The following PRR12 variants were observed in gnomAD, a reference collection of about 807,000 sequenced individuals.
PRR12 encodes the protein proline-rich protein 12.
A neutral mutation model predicts 138.0 loss-of-function variants in PRR12; 12 were observed. The ratio of observed to expected loss-of-function variants is 0.09; its 90% CI spans 0.06 to 0.14. The LOEUF (loss-of-function observed/expected upper bound fraction) is 0.14, where lower values mean the gene tolerates loss of function less well. PRR12 is among the 10% of genes least tolerant of loss of function. The probability of loss-of-function intolerance (pLI) is 1.00; values close to 1 mark genes in which losing one functional copy is unlikely to be tolerated. For synonymous variants in PRR12, 1,567 were observed against 1,291.7 expected (o/e 1.21, Z -4.57); for missense variants, 2,692 against 2,861.3 (o/e 0.94, Z 1.35).
intron 1 of PRR12, among the ~76,000 whole-genome samples, chr19:49,592,839 C>T (rs1246787643): frequency 6.6e-6 from 1 of 152,162 alleles, no homozygotes; most frequent in East Asian, 1.9e-4. Flanking sequence ...ACCGATCTTC[C>T]TCCTGCTCCC....
intron 11 of PRR12, among the ~76,000 whole-genome samples, chr19:49,623,420 C>G (rs1041503803): frequency 6.6e-6 from 1 of 151,602 alleles, no homozygotes; most frequent in Non-Finnish European, 1.5e-5. Flanking sequence ...GGTCAGGAGA[C>G]CAATAACAAC....
chr19:49,624,723 C>T (rs957573565), intron 11 of PRR12, 121 bp from the exon 12 acceptor site: 2 of 1,413,200 alleles, frequency 1.4e-6, no homozygotes, highest in Middle Eastern at 2.6e-4. Flanking sequence ...TGAGGAGACT[C>T]TAGTTGTCTC....
chr19:49,593,568 C>G (rs1568420672), intron 2 of PRR12, 129 bp downstream of exon 2: 4 of 587,728 alleles, frequency 6.8e-6, no homozygotes, highest in East Asian at 6.1e-5. Flanking sequence ...CTTGCTGTGT[C>G]TCCTCTGATT....
At position 49,595,161 on chromosome 19, in the gene PRR12, C is replaced by T; in HGVS notation, c.826C>T (p.Pro276Ser). Residue 276 changes from proline to serine, a missense_variant, in exon 4 of 14, where the codon CCG becomes TCG. This residue lies in a region of PRR12 where 523 missense variants were observed against 496.4 expected (regional missense o/e 1.05). Transcript: ENST00000418929. ...CTTCTCGGGTGCTGCCCCGGGCCCA[C>T]CGCCGCCTGAGCGGGCCCTGCCACG... The part of the protein sequence containing the change: ...YNFSGAAPGP[P>S]PPERALPRQD... 6.2e-7 allele frequency: 1 copy of T among 1,610,716 alleles called. No homozygotes were observed. Among genetic ancestry groups the T allele is most frequent in the Non-Finnish European group, 8.5e-7 (1 of 1,179,366 alleles).
At chr19:49,593,840 C>T (rs569318971) in intron 2 of PRR12, among the ~76,000 whole-genome samples, 136 of 152,276 alleles carry the variant, frequency 8.9e-4, no homozygotes, top group Admixed American at 8.3e-3. Flanking sequence ...TCTGGCCCGC[C>T]CTGTTTTATC....
At chr19:49,607,294 A>G (rs1204004742) in intron 6 of PRR12, among the ~76,000 whole-genome samples, 1 of 152,138 alleles carries the variant, frequency 6.6e-6, no homozygotes, top group Admixed American at 6.6e-5. Flanking sequence ...TCGAGGCTAC[A>G]GTGAGCTATG....
intron 4 of PRR12, among the ~76,000 whole-genome samples, chr19:49,598,280 TAGTC>T (rs954082746): frequency 6.6e-6 from 1 of 151,776 alleles, no homozygotes; most frequent in African/African-American, 2.4e-5. Flanking sequence ...TTCACCGTAT[TAGTC>T]AGGATGGTCT....
intron 6 of PRR12, among the ~76,000 whole-genome samples, chr19:49,602,610 G>T (rs894138908): frequency 6.6e-6 from 1 of 152,148 alleles, no homozygotes; most frequent in African/African-American, 2.4e-5. Flanking sequence ...GGAGTGCGAT[G>T]GCTCAATCTC....
intron 9 of PRR12, among the ~76,000 whole-genome samples, chr19:49,617,217 G>A (rs2080897728): frequency 6.6e-6 from 1 of 151,946 alleles, no homozygotes; most frequent in Non-Finnish European, 1.5e-5. Flanking sequence ...AAGGGTAACA[G>A]CTGATTTTTG....
At chr19:49,593,248 A>G in intron 1 of PRR12, 79 bp from the exon 2 acceptor site, 1 of 490,212 alleles carries the variant, frequency 2.0e-6, no homozygotes, top group Non-Finnish European at 3.5e-6. Context: ...GGTCCCCCCA[A>G]CTCCCCGGGG....
chr19:49,600,497 C>T (rs1212643567), intron 5 of PRR12, among the ~76,000 whole-genome samples: 2 of 148,386 alleles, frequency 1.3e-5, no homozygotes, highest in African/African-American at 2.5e-5. Context: ...AAAAAAAAAC[C>T]ATGACAGGCC....
intron 1 of PRR12, among the ~76,000 whole-genome samples, chr19:49,592,853 T>C (rs2080738163): frequency 6.6e-6 from 1 of 152,126 alleles, no homozygotes; most frequent in South Asian, 2.1e-4. Context: ...TGCTCCCAAC[T>C]TGTTCTGCAC....
chr19:49,596,422 A>G lies in PRR12; in HGVS notation c.2087A>G (p.Gln696Arg). 2 of 1,609,656 alleles carry G rather than the reference A, an allele frequency of 1.2e-6. No individual in the cohort carries two copies. Among genetic ancestry groups the G allele is most frequent in the Non-Finnish European group, 1.7e-6 (2 of 1,179,408 alleles). The change falls in exon 4 of 14, where the codon CAG (glutamine) becomes CGG (arginine). Residue 696 changes from glutamine (Q) to arginine (R), a missense_variant. Coordinates refer to ENST00000418929, the MANE Select transcript of PRR12 (RefSeq NM_020719.3). The surrounding 1 kb of genome is among the most constrained non-coding windows in gnomAD (Gnocchi z 5.6). ...TACGAGTTGGCCAAGGAAGACCCCCAGAGGTACCACCTGCAGAGTGTCATC... is the reference window on the plus strand; with the variant it reads ...TACGAGTTGGCCAAGGAAGACCCCCGGAGGTACCACCTGCAGAGTGTCATC... ...TPYELAKEDPQRYHLQSVIRT... is the reference protein window; with the variant it reads ...TPYELAKEDPRRYHLQSVIRT...
At chr19:49,620,778 GCCTGGAC>G (rs2080918411) in intron 10 of PRR12, among the ~76,000 whole-genome samples, 1 of 145,828 alleles carries the variant, frequency 6.9e-6, no homozygotes, top group African/African-American at 2.5e-5. Context: ...AGGGCTGGGG[GCCTGGAC>G]TCCTGGGTCT....
intron 1 of PRR12, among the ~76,000 whole-genome samples, chr19:49,591,974 G>A (rs762698332): frequency 6.6e-6 from 1 of 152,216 alleles, no homozygotes; most frequent in Non-Finnish European, 1.5e-5. Flanking sequence ...GAAAATGGGG[G>A]TGCAAAACAA....
In PRR12 at chr19:49,596,944, C is replaced by T; in HGVS notation, c.2609C>T (p.Pro870Leu). Residue 870 changes from proline (P) to leucine (L), a missense_variant, in exon 4 of 14, where the codon CCC becomes CTC. This residue lies in a region of PRR12 where 840 missense variants were observed against 689.8 expected (regional missense o/e 1.22). Transcript: ENST00000418929. This position sits in a 1 kb window ranked among gnomAD's most constrained non-coding sequence, Gnocchi z 5.6. Reference protein sequence around the residue: ...EPAAPSPRLRPEESLDPPGAM... With the variant: ...EPAAPSPRLRLEESLDPPGAM... ...GCGGCCCCCAGCCCCCGCCTGCGAC[C>T]CGAGGAGAGCCTGGATCCGCCAGGC... 1 of 1,550,250 alleles carries T rather than the reference C, an allele frequency of 6.5e-7. No homozygotes were observed. The highest frequency in any genetic ancestry group is 8.7e-7 in the Non-Finnish European group (1 of 1,153,616).
intron 6 of PRR12, among the ~76,000 whole-genome samples, chr19:49,610,303 A>G (rs1372380633): frequency 6.6e-6 from 1 of 152,022 alleles, no homozygotes; most frequent in Non-Finnish European, 1.5e-5. Flanking sequence ...TCTCATTAAT[A>G]TCGAGTCTGA....
chr19:49,613,447 G>A (rs1187003465), intron 6 of PRR12, among the ~76,000 whole-genome samples: 1 of 152,004 alleles, frequency 6.6e-6, no homozygotes, highest in African/African-American at 2.4e-5. Flanking sequence ...CATATTTCGC[G>A]CCTCTGCTGC....
At chr19:49,605,331 C>T (rs1056032754) in intron 6 of PRR12, among the ~76,000 whole-genome samples, 5 of 151,978 alleles carry the variant, frequency 3.3e-5, no homozygotes, top group African/African-American at 9.7e-5. Flanking sequence ...GGTGCGATCT[C>T]GGCTCACCGC....
Sources: allele counts gnomAD v4.1 joint callset (sites outside exome capture counted in the v4.1 genomes callset), GRCh38; gene constraint gnomAD v4.1.1; regional missense constraint gnomAD v4.1.1; non-coding constraint Gnocchi (gnomAD v3.1); transcripts MANE v1.5; gene names NCBI Gene and HGNC (gene_info 2026-07-23, HGNC 2026-07-21).